PPP4R1: variants seen among roughly 807,000 people sequenced by gnomAD.
PPP4R1 encodes protein phosphatase 4 regulatory subunit 1.
Under a neutral mutation model 111.2 loss-of-function variants are expected in PPP4R1, and 42 were observed. That is an observed-to-expected ratio of 0.38 (90% CI 0.29 to 0.49). PPP4R1 has a LOEUF of 0.49. Among genes scored for constraint, PPP4R1 ranks in the 20% least tolerant of loss-of-function variants. The probability of loss-of-function intolerance (pLI) is 0.97; values close to 1 mark genes in which losing one functional copy is unlikely to be tolerated. For missense variants in PPP4R1, 1,012 were observed against 1,161.6 expected, an observed-to-expected ratio of 0.87 and a Z score of 1.87; for synonymous variants, 409 against 405.5, an observed-to-expected ratio of 1.01 and a Z score of -0.10.
chr18:9,575,341 TA>T (rs1219159119), intron 10 of PPP4R1, among the ~76,000 whole-genome samples: 3 of 152,290 alleles, frequency 2.0e-5, no homozygotes, highest in Admixed American at 2.0e-4. Context: ...TAAGACAGCT[TA>T]AAACAAATGC....
intron 19 of PPP4R1, among the ~76,000 whole-genome samples, chr18:9,548,779 G>C (rs568293267): frequency 6.6e-6 from 1 of 152,140 alleles, no homozygotes; most frequent in African/African-American, 2.4e-5. Flanking sequence ...TTAGCTGGGC[G>C]TGGTGGCGGG....
intron 7 of PPP4R1, 23 bp downstream of exon 7, chr18:9,584,698 G>GA (rs757686089): frequency 2.5e-5 from 40 of 1,606,724 alleles, no homozygotes; most frequent in African/African-American, 8.1e-5. Context: ...TTAAACAGCA[G>GA]AAAAAAAACG....
rs943828659 is a variant in PPP4R1 at position 9,606,882 on chromosome 18, G to C, written c.52+7344C>G. ...TATAGATATTTGTTCCCTTCAGTGAGTAAAAATTTTCTTTGCACTCTTAAC... is the reference window on the plus strand; with the variant it reads ...TATAGATATTTGTTCCCTTCAGTGACTAAAAATTTTCTTTGCACTCTTAAC... On this transcript the variant is annotated intron_variant, in intron 2 of 19. Transcript: ENST00000400556. 2.0e-5 allele frequency among the ~76,000 whole-genome samples: 3 copies of C among 152,264 alleles called. No individual in the cohort carries two copies. The East Asian group carries it at 5.8e-4, about 29-fold the overall frequency.
chr18:9,574,043 C>A (rs1419508266), intron 10 of PPP4R1, among the ~76,000 whole-genome samples: 1 of 152,086 alleles, frequency 6.6e-6, no homozygotes, highest in Non-Finnish European at 1.5e-5. Context: ...ATAGTCAATA[C>A]AAAATCAAGC....
chr18:9,593,910 G>A (rs1302525485), intron 3 of PPP4R1, 36 bp from the exon 4 acceptor site: 1 of 1,495,068 alleles, frequency 6.7e-7, no homozygotes, highest in East Asian at 2.3e-5. Context: ...ATGTTCAATG[G>A]CATCAATAGC....
At position 9,560,490 on chromosome 18, in the gene PPP4R1, G is replaced by C. The variant is rs529433812; in HGVS notation, c.1843-886C>G. On this transcript the variant is annotated intron_variant, in intron 13 of 19. Coordinates refer to ENST00000400556, the MANE Select transcript of PPP4R1 (RefSeq NM_001042388.3). The stretch of plus-strand genomic sequence containing the variant: ...TCTCAGGAAGCAAAATGGATGAGTG[G>C]AGAAGAAAAAACTGAGAGGGGAACA... Among the ~76,000 whole-genome samples the C allele has an allele frequency of 3.5e-5, 5 of 144,328 alleles. No individual in the cohort carries two copies. The East Asian group carries it at 1.3e-3, about 37-fold the overall frequency. 94.7% of individuals were successfully genotyped at this position (144,328 alleles called of 152,430 possible).
intron 5 of PPP4R1, 131 bp downstream of exon 5, chr18:9,588,580 C>T: frequency 9.8e-7 from 1 of 1,025,418 alleles, no homozygotes; most frequent in Non-Finnish European, 1.4e-6. Flanking sequence ...ACTCTAAACA[C>T]ATCTTGTCTA....
In PPP4R1 at chr18:9,563,575, C is replaced by G. The variant is rs111418939; in HGVS notation, c.1574-25G>C. On this transcript the variant is annotated intron_variant, in intron 11 of 19. Coordinates refer to ENST00000400556, the MANE Select transcript of PPP4R1 (RefSeq NM_001042388.3). ...GCTACAGGCAAAATAAGGAAATGGA[C>G]AAAGTGAGAAACACAATTGCAATAT... 3.9e-4 allele frequency: 593 copies of G among 1,531,538 alleles called. 4 individuals are homozygous for G. The African/African-American group carries it at 6.8e-3, about 18-fold the overall frequency. 94.9% of individuals were successfully genotyped at this position (1,531,538 alleles called of 1,614,324 possible).
chr18:9,610,867 TACACACACACAC>T lies in PPP4R1; in HGVS notation c.52+3347_52+3358del, dbSNP rs60173784. Among the ~76,000 whole-genome samples the T allele has an allele frequency of 7.3e-5, 11 of 149,898 alleles. No homozygotes were observed. In the East Asian group the frequency reaches 1.2e-3, roughly 16 times the overall value. On this transcript the variant is annotated intron_variant, in intron 2 of 19. Transcript: ENST00000400556. ...GAAACTCCTTCAATGAAATTATGTGTACACACACACACACACACACACACACACAAATACCAT... is the reference window on the plus strand; with the variant it reads ...GAAACTCCTTCAATGAAATTATGTGTACACACACACACACACAAATACCAT...
At chr18:9,597,918 A>C (rs1010006100) in intron 2 of PPP4R1, among the ~76,000 whole-genome samples, 1 of 152,190 alleles carries the variant, frequency 6.6e-6, no homozygotes, top group African/African-American at 2.4e-5. Context: ...GAACATTGAA[A>C]GTTATTTTAA....
At chr18:9,605,260 A>G (rs2067459230) in intron 2 of PPP4R1, among the ~76,000 whole-genome samples, 1 of 152,220 alleles carries the variant, frequency 6.6e-6, no homozygotes, top group African/African-American at 2.4e-5. Context: ...AAATAAATAT[A>G]CCAACAAATG....
intron 11 of PPP4R1, among the ~76,000 whole-genome samples, chr18:9,569,354 T>A (rs1398454121): frequency 2.0e-5 from 3 of 152,214 alleles, no homozygotes; most frequent in African/African-American, 7.2e-5. Context: ...TTCTATAGTC[T>A]TTTCCTCCCC....
chr18:9,587,250 A>G (rs1277461047), intron 6 of PPP4R1: 1 of 152,156 alleles, frequency 6.6e-6, no homozygotes, highest in African/African-American at 2.4e-5. Flanking sequence ...AATAATTTAC[A>G]ATTATGTATT....
chr18:9,556,192 T>A (rs2066580626), intron 15 of PPP4R1, among the ~76,000 whole-genome samples: 1 of 149,972 alleles, frequency 6.7e-6, no homozygotes, highest in Non-Finnish European at 1.5e-5. Context: ...GGTCTCAATG[T>A]TTTTGTTTTT....
At chr18:9,587,169 C>T (rs564652263) in intron 6 of PPP4R1, among the ~76,000 whole-genome samples, 56 of 152,266 alleles carry the variant, frequency 3.7e-4, no homozygotes, top group African/African-American at 1.2e-3. Context: ...AGTGTTTCTT[C>T]GTTCAGTCCA....
chr18:9,572,449 T>C (rs2066876919), intron 10 of PPP4R1, among the ~76,000 whole-genome samples: 2 of 152,116 alleles, frequency 1.3e-5, no homozygotes, highest in Non-Finnish European at 2.9e-5. Context: ...GGAAAGAATA[T>C]GGGCTTCAAA....
chr18:9,557,293 A>T lies in PPP4R1; in HGVS notation c.2118T>A (p.Ile706=). 1.2e-6 allele frequency: 2 copies of T among 1,613,208 alleles called. No homozygotes were observed. The highest frequency in any genetic ancestry group is 1.7e-6 in the Non-Finnish European group (2 of 1,179,668). Residue 706 remains isoleucine, a synonymous_variant, in exon 15 of 20, where the codon ATT becomes ATA. Coordinates refer to ENST00000400556, the MANE Select transcript of PPP4R1 (RefSeq NM_001042388.3). ...DQLTAADLVP[I]FNGFLKDLDE... is the part of the protein sequence containing the mutation. ...CGAGGTCTTTTAAAAATCCATTAAA[A>T]ATTGGAACCAGATCTGCAGCTGTCA...
intron 10 of PPP4R1, among the ~76,000 whole-genome samples, chr18:9,575,802 G>GA (rs140582182): frequency 0.033 from 4,995 of 152,260 alleles, 88 homozygotes; most frequent in Middle Eastern, 0.037. Flanking sequence ...TGAAACAGAA[G>GA]AAAGTTTACC....
In PPP4R1 at chr18:9,547,222, G is replaced by C. The variant is rs1320308145; in HGVS notation, c.*567C>G. The C allele has an allele frequency of 6.5e-6, 1 of 153,408 alleles. No individual in the cohort carries two copies. The highest frequency in any genetic ancestry group is 1.5e-5 in the Non-Finnish European group (1 of 68,594). The allele number at this position is 153,408 out of a possible 1,614,324, so 9.5% of individuals were successfully genotyped here. Reference sequence around the variant, plus strand: ...TCAATCCTACTTGTGTTGGCATCAGGTCCTTTAGGAGATGTAAAAACCCCT... The same window carrying C: ...TCAATCCTACTTGTGTTGGCATCAGCTCCTTTAGGAGATGTAAAAACCCCT... On this transcript the variant is annotated 3_prime_UTR_variant, in exon 20 of 20. Coordinates refer to ENST00000400556, the MANE Select transcript of PPP4R1 (RefSeq NM_001042388.3).
Sources: gnomAD v4.1 joint callset for allele counts (sites outside exome capture counted in the v4.1 genomes callset) on GRCh38, gnomAD v4.1.1 for gene constraint, MANE v1.5 for transcripts, NCBI Gene and HGNC (gene_info 2026-07-23, HGNC 2026-07-21) for gene names.